The following RBL1 variants were observed in gnomAD, a reference collection of about 807,000 sequenced individuals.
The protein encoded by RBL1 is retinoblastoma-like protein 1.
RBL1 carries 82 observed loss-of-function variants against 123.0 expected under a neutral mutation model. The observed-to-expected ratio is 0.67, with a 90% confidence interval of 0.56 to 0.80. RBL1 has a LOEUF of 0.80. Ranked by LOEUF, RBL1 falls within the 30% of genes least tolerant of loss-of-function variation. RBL1 has a pLI of 0.00. For missense variants in RBL1, 1,171 were observed against 1,299.6 expected (o/e 0.90, Z 1.52); for synonymous variants, 405 against 441.3 (o/e 0.92, Z 1.03).
intron 13 of RBL1, among the ~76,000 whole-genome samples, chr20:37,043,335 C>CA (rs1191323894): frequency 6.6e-6 from 1 of 151,258 alleles, no homozygotes; most frequent in Non-Finnish European, 1.5e-5. Context: ...AAAAAAAGTA[C>CA]AAAAAAAATT....
chr20:37,079,602 G>A (rs2065418067), intron 2 of RBL1, among the ~76,000 whole-genome samples: 1 of 151,716 alleles, frequency 6.6e-6, no homozygotes, highest in South Asian at 2.1e-4. Context: ...AGATAGCTGG[G>A]ACTACAGGTG....
At chr20:37,059,337 G>A (rs896644747) in intron 9 of RBL1, among the ~76,000 whole-genome samples, 1 of 152,192 alleles carries the variant, frequency 6.6e-6, no homozygotes, top group African/African-American at 2.4e-5. Flanking sequence ...TTTTCTTGGA[G>A]GACCAGGGCT....
intron 21 of RBL1, among the ~76,000 whole-genome samples, chr20:37,000,948 C>T (rs1473672649): frequency 2.9e-5 from 4 of 138,234 alleles, no homozygotes; most frequent in African/African-American, 5.6e-5. Flanking sequence ...AGGTGAGGGG[C>T]GCCTCTGCCC....
At position 37,012,808 on chromosome 20, in the gene RBL1, C is replaced by T. The variant is rs1422157543; in HGVS notation, c.2723-5249G>A. Among the ~76,000 whole-genome samples, 20 of 151,190 alleles carry T rather than the reference C, an allele frequency of 1.3e-4. No individual in the cohort carries two copies. The East Asian group carries it at 1.4e-3, about 10-fold the overall frequency. ...GAGGTGGGGGGGTCAGCCCCCTGCC[C>T]GGCCAGCCACCCCGTCAGGGAGGTG... On this transcript the variant is annotated intron_variant, in intron 19 of 21. Coordinates refer to ENST00000373664, the MANE Select transcript of RBL1 (RefSeq NM_002895.5).
intron 19 of RBL1, among the ~76,000 whole-genome samples, chr20:37,012,932 C>A (rs1203496809): frequency 6.3e-5 from 9 of 142,366 alleles, no homozygotes; most frequent in Admixed American, 4.9e-4. Context: ...TCAGCCCCCC[C>A]GCCAGCCAGC....
rs776546078 is a variant in RBL1, at chr20:37,007,440, T to G, written c.2842A>C (p.Lys948Gln). ...YVGRVKSFAL[K>Q]YDLANQDHMM... The stretch of plus-strand genomic sequence containing the variant: ...TGGTCCTGATTCGCCAAGTCGTATT[T>G]CAGTGCAAATGACTTCACTCTTCCT... Residue 948 changes from lysine to glutamine, a missense_variant, in exon 20 of 22, where the codon AAA becomes CAA. Physicochemically the swap from Lys to Gln is moderately conservative, Grantham distance 53. Transcript: ENST00000373664. 6.2e-7 allele frequency: 1 copy of G among 1,613,886 alleles called. No individual in the cohort carries two copies. The highest frequency in any genetic ancestry group is 1.1e-5 in the South Asian group (1 of 91,036).
At chr20:37,091,182 C>T (rs2065640083) in intron 1 of RBL1, among the ~76,000 whole-genome samples, 1 of 151,976 alleles carries the variant, frequency 6.6e-6, no homozygotes, top group Non-Finnish European at 1.5e-5. Flanking sequence ...TGTGGCGAAA[C>T]CCCGTCTCTA....
At chr20:37,055,416 A>C in intron 11 of RBL1, 137 bp downstream of exon 11, 2 of 1,336,822 alleles carry the variant, frequency 1.5e-6, no homozygotes, top group South Asian at 1.3e-5. Context: ...TGCATGTGCT[A>C]AAGTCAACTA....
intron 7 of RBL1, among the ~76,000 whole-genome samples, chr20:37,065,104 G>C (rs2065158225): frequency 1.3e-5 from 2 of 151,792 alleles, no homozygotes; most frequent in African/African-American, 4.8e-5. Flanking sequence ...GCTGATTTTT[G>C]TATTTTTTGT....
chr20:37,072,890 G>A (rs991095664), intron 2 of RBL1, among the ~76,000 whole-genome samples: 1 of 152,156 alleles, frequency 6.6e-6, no homozygotes, highest in Non-Finnish European at 1.5e-5. Context: ...GTTTTCTTAA[G>A]TCATCCTAAA....
At chr20:37,053,843 G>A (rs1005996331) in intron 11 of RBL1, among the ~76,000 whole-genome samples, 3 of 151,962 alleles carry the variant, frequency 2.0e-5, no homozygotes, top group Non-Finnish European at 4.4e-5. Context: ...ACATATCCTG[G>A]GCTACAATAT....
chr20:37,018,068 C>G (rs533756087), intron 19 of RBL1, among the ~76,000 whole-genome samples: 1 of 152,280 alleles, frequency 6.6e-6, no homozygotes, highest in South Asian at 2.1e-4. Context: ...TAGAAAACTT[C>G]TTCCAAAACA....
rs2065727599 is a variant in RBL1 at position 37,095,775 on chromosome 20, C to G, written c.154G>C (p.Glu52Gln). 3 of 1,607,148 alleles carry G rather than the reference C, an allele frequency of 1.9e-6. No homozygotes were observed. Among genetic ancestry groups the G allele is most frequent in the African/African-American group, 1.3e-5 (1 of 74,948 alleles). ...FTAIRGNYSLEGEVTHWLACS... is the reference protein window; with the variant it reads ...FTAIRGNYSLQGEVTHWLACS... Reference sequence around the variant, plus strand: ...CCGCCCCACCTGCTGCCGCTCACCTCTAGGCTGTAGTTGCCTCGGATGGCA... The same window carrying G: ...CCGCCCCACCTGCTGCCGCTCACCTGTAGGCTGTAGTTGCCTCGGATGGCA... The change falls in exon 1 of 22, where the codon GAG (glutamate) becomes CAG (glutamine). Residue 52 changes from glutamate (E) to glutamine (Q), a missense_variant and splice_region_variant. Glu to Gln is a conservative substitution (Grantham distance 29). Coordinates refer to ENST00000373664, the MANE Select transcript of RBL1 (RefSeq NM_002895.5).
Position 37,066,991 on chromosome 20 carries a change from A to C in RBL1, c.685+2T>G. ...TTTTCAAAAATAAATAAAAGGTCTTACCTTTAAATGATGGATTTAGCAAGT... is the reference window on the plus strand; with the variant it reads ...TTTTCAAAAATAAATAAAAGGTCTTCCCTTTAAATGATGGATTTAGCAAGT... On this transcript the variant is annotated splice_donor_variant, in intron 5 of 21. Coordinates refer to ENST00000373664, the MANE Select transcript of RBL1 (RefSeq NM_002895.5). LOFTEE classifies it high-confidence loss of function. 8 of 1,599,154 alleles carry C rather than the reference A, an allele frequency of 5.0e-6. No homozygotes were observed. Among genetic ancestry groups the C allele is most frequent in the Non-Finnish European group, 6.8e-6 (8 of 1,174,126 alleles).
chr20:37,011,539 A>G (rs2064147985), intron 19 of RBL1, among the ~76,000 whole-genome samples: 1 of 151,456 alleles, frequency 6.6e-6, no homozygotes, highest in South Asian at 2.1e-4. Context: ...GGTTCAAGCA[A>G]TTCTCTTGCC....
chr20:37,009,775 C>CTA lies in RBL1; in HGVS notation c.2723-2218_2723-2217dup, dbSNP rs2064124148. 4.6e-5 allele frequency among the ~76,000 whole-genome samples: 7 copies of CTA among 152,244 alleles called. No individual in the cohort carries two copies. The South Asian group carries it at 1.4e-3, about 32-fold the overall frequency. On this transcript the variant is annotated intron_variant, in intron 19 of 21. Coordinates refer to ENST00000373664, the MANE Select transcript of RBL1 (RefSeq NM_002895.5). ...GTTAATACTAACATAAGGTAAGGAG[C>CTA]TATACTTTACTTGAATGAACCAAAC...
intron 21 of RBL1, among the ~76,000 whole-genome samples, chr20:37,000,697 A>C: frequency 8.3e-6 from 1 of 119,900 alleles, no homozygotes; most frequent in East Asian, 2.9e-4. Flanking sequence ...CTGCCCGGCC[A>C]GCCGCCCCGT....
At chr20:36,998,996 C>A in intron 21 of RBL1, 67 bp from the exon 22 acceptor site, 1 of 1,470,754 alleles carries the variant, frequency 6.8e-7, no homozygotes, top group Non-Finnish European at 9.3e-7. Flanking sequence ...AACAACCAAG[C>A]TAATTGTTTT....
In RBL1 at chr20:37,035,244, T is replaced by A; in HGVS notation, c.2168A>T (p.His723Leu). Residue 723 changes from histidine to leucine, a missense_variant and splice_region_variant, in exon 15 of 22, where the codon CAT (histidine) becomes CTT (leucine). Physicochemically the swap from His to Leu is moderately conservative, Grantham distance 99 (BLOSUM62 -3). Transcript: ENST00000373664. ...AAACAAATGCACTATAACGTTACCA[T>A]GTAATGGAATTGTAACTTTATGTCC... is the stretch of plus-strand genomic sequence containing the variant. ...TTGHKVTIPL[H>L]GVANDAGEIT... The A allele has an allele frequency of 6.2e-7, 1 of 1,611,758 alleles. No individual in the cohort carries two copies. Among genetic ancestry groups the A allele is most frequent in the Non-Finnish European group, 8.5e-7 (1 of 1,178,460 alleles).
Sources: gnomAD v4.1 joint callset for allele counts (sites outside exome capture counted in the v4.1 genomes callset) on GRCh38, gnomAD v4.1.1 for gene constraint, MANE v1.5 for transcripts, NCBI Gene and HGNC (gene_info 2026-07-23, HGNC 2026-07-21) for gene names.